ARHGAP31: variants seen among roughly 807,000 people sequenced by gnomAD.
ARHGAP31 encodes rho GTPase-activating protein 31.
A neutral mutation model predicts 113.9 loss-of-function variants in ARHGAP31; 34 were observed. The observed-to-expected ratio is 0.30, with a 90% CI of 0.23 to 0.40. The LOEUF (loss-of-function observed/expected upper bound fraction) is 0.40. Ranked by LOEUF, ARHGAP31 falls within the 10% of genes least tolerant of loss-of-function variation. The pLI is 1.00. For synonymous variants in ARHGAP31, 650 were observed against 684.8 expected (o/e 0.95, Z 0.79); for missense variants, 1,548 against 1,767.1 (o/e 0.88, Z 2.22).
intron 1 of ARHGAP31, among the ~76,000 whole-genome samples, chr3:119,311,604 C>A (rs1232510471): frequency 6.6e-6 from 1 of 152,190 alleles, no homozygotes; most frequent in African/African-American, 2.4e-5. Flanking sequence ...CCACAGGACA[C>A]GGTTGGCTAA....
chr3:119,415,388 C>G lies in ARHGAP31; in HGVS notation c.3459C>G (p.Asp1153Glu), dbSNP rs771567383. The change falls in exon 12 of 12, where the codon GAC becomes GAG. Residue 1153 changes from aspartate to glutamate, a missense_variant. Coordinates refer to ENST00000264245, the MANE Select transcript of ARHGAP31 (RefSeq NM_020754.4). ...TWMTSSYCKA[D>E]PWRVYSQDPQ... is the part of the protein sequence containing the mutation. ...TGACCTCATCTTACTGTAAAGCAGA[C>G]CCCTGGAGGGTTTACTCCCAGGACC... 1 of 1,614,010 alleles carries G rather than the reference C, an allele frequency of 6.2e-7. No homozygotes were observed. Among genetic ancestry groups the G allele is most frequent in the Non-Finnish European group, 8.5e-7 (1 of 1,180,014 alleles).
Position 119,417,726 on chromosome 3 carries a change from A to G in ARHGAP31, c.*1462A>G, listed in dbSNP as rs777478069. 2 of 152,078 alleles carry G rather than the reference A, an allele frequency of 1.3e-5. No individual in the cohort carries two copies. The allele number at this position is 152,078 out of a possible 1,614,324, so 9.4% of individuals were successfully genotyped here. ...AATCTGATTTTCTTTTCAATTATTT[A>G]TAACTTTCAATGGTTCTTTCCTTTC... On this transcript the variant is annotated 3_prime_UTR_variant, in exon 12 of 12. Transcript: ENST00000264245.
At chr3:119,373,397 T>C (rs1443469713) in intron 3 of ARHGAP31, among the ~76,000 whole-genome samples, 2 of 152,044 alleles carry the variant, frequency 1.3e-5, no homozygotes, top group South Asian at 4.2e-4. Flanking sequence ...ATTTTTAATG[T>C]TATCATTTCA....
chr3:119,409,086 T>G (rs2080691171), intron 10 of ARHGAP31, among the ~76,000 whole-genome samples: 1 of 152,168 alleles, frequency 6.6e-6, no homozygotes, highest in Admixed American at 6.5e-5. Context: ...AAGTCTTTGT[T>G]GTGGGGCAGG....
chr3:119,344,169 C>T (rs2080034539), intron 1 of ARHGAP31, among the ~76,000 whole-genome samples: 1 of 152,164 alleles, frequency 6.6e-6, no homozygotes, highest in Non-Finnish European at 1.5e-5. Context: ...TAATCTATGT[C>T]CCATGCAATA....
chr3:119,400,814 G>A (rs970432913), intron 9 of ARHGAP31, among the ~76,000 whole-genome samples: 3 of 152,110 alleles, frequency 2.0e-5, no homozygotes, highest in African/African-American at 7.2e-5. Flanking sequence ...GGCAACTCGC[G>A]TATCATCTCC....
chr3:119,402,455 T>G (rs934227896), intron 10 of ARHGAP31, 58 bp downstream of exon 10: 1 of 1,559,214 alleles, frequency 6.4e-7, no homozygotes, highest in African/African-American at 1.4e-5. Context: ...AGACTTAAAT[T>G]TGCTTGAGTT....
Position 119,409,684 on chromosome 3 carries a change from G to A in ARHGAP31, c.1834G>A (p.Val612Met), listed in dbSNP as rs1360315889. The change falls in exon 11 of 12, where the codon GTG (valine) becomes ATG (methionine). Residue 612 changes from valine to methionine, a missense_variant. Val to Met is a conservative substitution (Grantham distance 21). Transcript: ENST00000264245. ...LEKRPNPEKVVEEGREAGEME... is the reference protein window; with the variant it reads ...LEKRPNPEKVMEEGREAGEME... ...GAAGAGGCCAAATCCGGAGAAGGTGGTGGAGGAGGGACGAGAGGCTGGTGA... is the reference window on the plus strand; with the variant it reads ...GAAGAGGCCAAATCCGGAGAAGGTGATGGAGGAGGGACGAGAGGCTGGTGA... 1 of 1,611,624 alleles carries A rather than the reference G, an allele frequency of 6.2e-7. No individual in the cohort carries two copies.
At chr3:119,375,944 A>G (rs1577018384) in intron 3 of ARHGAP31, among the ~76,000 whole-genome samples, 3 of 152,138 alleles carry the variant, frequency 2.0e-5, no homozygotes, top group Admixed American at 6.5e-5. Context: ...TTCAAACTCC[A>G]CGGCTCCAGC....
intron 6 of ARHGAP31, among the ~76,000 whole-genome samples, chr3:119,389,269 G>A (rs2080482707): frequency 6.6e-6 from 1 of 152,180 alleles, no homozygotes; most frequent in Admixed American, 6.5e-5. Context: ...GCTGACAGGA[G>A]AGGTGGGCAC....
At chr3:119,344,279 AAGG>A (rs1449531319) in intron 1 of ARHGAP31, among the ~76,000 whole-genome samples, 1 of 152,200 alleles carries the variant, frequency 6.6e-6, no homozygotes, top group African/African-American at 2.4e-5. Context: ...TCAGAAAGGG[AAGG>A]AGGAGAACAT....
At chr3:119,333,353 TA>T (rs1341702533) in intron 1 of ARHGAP31, among the ~76,000 whole-genome samples, 1 of 152,234 alleles carries the variant, frequency 6.6e-6, no homozygotes, top group Non-Finnish European at 1.5e-5. Context: ...GAGCCAAGGT[TA>T]GCAGCTCCCA....
At chr3:119,355,448 A>G (rs1340035759) in intron 1 of ARHGAP31, among the ~76,000 whole-genome samples, 2 of 151,932 alleles carry the variant, frequency 1.3e-5, no homozygotes, top group Admixed American at 6.6e-5. Flanking sequence ...GTTCAGGAAA[A>G]CATTTTGAGT....
chr3:119,361,426 G>C (rs1276904063), intron 1 of ARHGAP31, among the ~76,000 whole-genome samples: 1 of 144,466 alleles, frequency 6.9e-6, no homozygotes. Context: ...TTGTCGCCCA[G>C]TCTGGAGTTC....
At chr3:119,329,146 C>G (rs1408678801) in intron 1 of ARHGAP31, among the ~76,000 whole-genome samples, 1 of 152,154 alleles carries the variant, frequency 6.6e-6, no homozygotes, top group Non-Finnish European at 1.5e-5. Flanking sequence ...ATAAATGAGT[C>G]CAGTGTGCAC....
chr3:119,358,251 AG>A (rs536361652), intron 1 of ARHGAP31, among the ~76,000 whole-genome samples: 72 of 152,354 alleles, frequency 4.7e-4, no homozygotes, highest in African/African-American at 1.7e-3. Flanking sequence ...AGTAAGCACA[AG>A]AAAAGATGTT....
At chr3:119,406,240 C>T (rs1437909823) in intron 10 of ARHGAP31, among the ~76,000 whole-genome samples, 1 of 152,038 alleles carries the variant, frequency 6.6e-6, no homozygotes, top group Non-Finnish European at 1.5e-5. Flanking sequence ...CTTCACACCT[C>T]AAACAGGAGT....
rs5852200 is a variant in ARHGAP31 at position 119,354,476 on chromosome 3, T to TTGTGTGTG, written c.101-10817_101-10810dup. 4.0e-3 allele frequency among the ~76,000 whole-genome samples: 589 copies of TTGTGTGTG among 147,944 alleles called. 3 individuals carry two copies. Among genetic ancestry groups the TTGTGTGTG allele is most frequent in the African/African-American group, 0.012 (500 of 40,170 alleles). ...TAACATTTCAGTGTGTGTGTGTGGT[T>TTGTGTGTG]TGTGTGTGTGTGTGTGTGTGTGTGT... On this transcript the variant is annotated intron_variant, in intron 1 of 11. Transcript: ENST00000264245.
chr3:119,393,276 C>A (rs1241876537), intron 7 of ARHGAP31, among the ~76,000 whole-genome samples, 191 bp from the exon 8 acceptor site: 1 of 152,120 alleles, frequency 6.6e-6, no homozygotes, highest in Non-Finnish European at 1.5e-5. Flanking sequence ...CTCATGAAAG[C>A]CTTGCTTGGT....
Sources: allele counts gnomAD v4.1 joint callset (sites outside exome capture counted in the v4.1 genomes callset), GRCh38; gene constraint gnomAD v4.1.1; transcripts MANE v1.5; gene names NCBI Gene and HGNC (gene_info 2026-07-23, HGNC 2026-07-21).